The following ADAMTS6 variants were observed in gnomAD, a reference collection of about 807,000 sequenced individuals.
ADAMTS6 encodes A disintegrin and metalloproteinase with thrombospondin motifs 6.
In ADAMTS6, 23 loss-of-function variants were observed where a neutral mutation model predicts 144.3. That is an observed-to-expected ratio of 0.16 (90% CI 0.11 to 0.23). The LOEUF (loss-of-function observed/expected upper bound fraction) is 0.23, where lower values mean the gene tolerates loss of function less well. Among genes scored for constraint, ADAMTS6 ranks in the 10% least tolerant of loss-of-function variants. The pLI is 1.00. For synonymous variants in ADAMTS6, 444 were observed against 457.5 expected, an observed-to-expected ratio of 0.97 and a Z score of 0.38; for missense variants, 999 against 1,379.6, an observed-to-expected ratio of 0.72 and a Z score of 4.37.
At chr5:65,443,241 C>G (rs1758003824) in intron 7 of ADAMTS6, among the ~76,000 whole-genome samples, 1 of 152,160 alleles carries the variant, frequency 6.6e-6, no homozygotes, top group African/African-American at 2.4e-5. Flanking sequence ...CAGTTTTACA[C>G]TGTTGGTGGG....
intron 9 of ADAMTS6, among the ~76,000 whole-genome samples, chr5:65,316,502 T>C (rs1745013249): frequency 6.6e-6 from 1 of 152,174 alleles, no homozygotes; most frequent in South Asian, 2.1e-4. Flanking sequence ...AATTACATTG[T>C]ATATATAAGT....
intron 7 of ADAMTS6, among the ~76,000 whole-genome samples, chr5:65,399,120 G>T (rs941886948): frequency 6.6e-6 from 1 of 152,082 alleles, no homozygotes; most frequent in South Asian, 2.1e-4. Flanking sequence ...AGCTGGGCGC[G>T]GTGGTGGGCG....
chr5:65,246,872 A>G (rs1233106316), intron 14 of ADAMTS6, among the ~76,000 whole-genome samples: 1 of 152,204 alleles, frequency 6.6e-6, no homozygotes, highest in Non-Finnish European at 1.5e-5. Context: ...TTGGAATTAT[A>G]TATGCTGGTT....
intron 7 of ADAMTS6, among the ~76,000 whole-genome samples, chr5:65,342,330 G>A (rs1254892877): frequency 1.3e-5 from 2 of 152,090 alleles, no homozygotes; most frequent in Admixed American, 6.6e-5. Context: ...CTCACATGGT[G>A]GCAGACAAGA....
At chr5:65,303,460 T>A (rs1043774052) in intron 9 of ADAMTS6, among the ~76,000 whole-genome samples, 1 of 152,082 alleles carries the variant, frequency 6.6e-6, no homozygotes, top group Non-Finnish European at 1.5e-5. Flanking sequence ...TATTTATTTA[T>A]CAAAATTTGT....
intron 21 of ADAMTS6, among the ~76,000 whole-genome samples, chr5:65,189,666 G>A (rs1754891529): frequency 6.6e-6 from 1 of 152,176 alleles, no homozygotes; most frequent in Non-Finnish European, 1.5e-5. Context: ...TTTGCTGAAT[G>A]TCTACTACGT....
chr5:65,300,695 G>A (rs988340117), intron 9 of ADAMTS6, among the ~76,000 whole-genome samples: 1 of 151,618 alleles, frequency 6.6e-6, no homozygotes, highest in Non-Finnish European at 1.5e-5. Flanking sequence ...GCAGTGGCGC[G>A]AACTCGGCTC....
intron 18 of ADAMTS6, 136 bp from the exon 19 acceptor site, chr5:65,215,623 T>G: frequency 1.4e-6 from 1 of 696,714 alleles, no homozygotes; most frequent in Non-Finnish European, 2.2e-6. Flanking sequence ...TATTCTTAAG[T>G]ACAAATTAAA....
At chr5:65,442,164 CAA>C (rs1757915490) in intron 7 of ADAMTS6, among the ~76,000 whole-genome samples, 1 of 147,472 alleles carries the variant, frequency 6.8e-6, no homozygotes, top group Non-Finnish European at 1.5e-5. Flanking sequence ...TAGAAAAAGA[CAA>C]AAGACAAGAA....
intron 7 of ADAMTS6, among the ~76,000 whole-genome samples, chr5:65,432,178 AT>A (rs1405233420): frequency 6.6e-6 from 1 of 152,066 alleles, no homozygotes; most frequent in African/African-American, 2.4e-5. Flanking sequence ...AAGATAGCTG[AT>A]TTAGTAGATA....
intron 2 of ADAMTS6, among the ~76,000 whole-genome samples, chr5:65,472,505 T>G (rs1350190343): frequency 1.3e-5 from 2 of 152,130 alleles, no homozygotes; most frequent in African/African-American, 2.4e-5. Flanking sequence ...TAGTAATATC[T>G]CAATAAAGCT....
rs772265131 is a variant in ADAMTS6 at position 65,224,959 on chromosome 5, A to G, written c.2156T>C (p.Ile719Thr). 3.1e-6 allele frequency: 5 copies of G among 1,614,050 alleles called. No individual in the cohort carries two copies. Among genetic ancestry groups the G allele is most frequent in the South Asian group, 1.1e-5 (1 of 91,062 alleles). The change falls in exon 17 of 25, where the codon ATT becomes ACT. Residue 719 changes from isoleucine (I) to threonine (T), a missense_variant. By Grantham distance (89) the Ile-to-Thr change is moderately conservative (BLOSUM62 -1). Coordinates refer to ENST00000381055, the MANE Select transcript of ADAMTS6 (RefSeq NM_197941.4). ...CGGDGSTCDA[I>T]EGFFNDSLPR... ...CAGTGAATCATTGAAGAACCCTTCA[A>G]TGGCATCACATGTGCTTCCGTCCCC...
At chr5:65,398,164 T>C (rs1246154043) in intron 7 of ADAMTS6, among the ~76,000 whole-genome samples, 1 of 152,246 alleles carries the variant, frequency 6.6e-6, no homozygotes, top group Middle Eastern at 3.4e-3. Flanking sequence ...TGTTGTTGAG[T>C]TCAACTATGT....
intron 24 of ADAMTS6, among the ~76,000 whole-genome samples, chr5:65,164,338 C>T (rs1202959842): frequency 2.6e-5 from 4 of 152,278 alleles, no homozygotes; most frequent in East Asian, 3.9e-4. Context: ...TAAAAAACGG[C>T]GCACCAGGAG....
intron 7 of ADAMTS6, among the ~76,000 whole-genome samples, chr5:65,375,825 G>C (rs1370700199): frequency 6.6e-6 from 1 of 152,018 alleles, no homozygotes; most frequent in Admixed American, 6.6e-5. Flanking sequence ...TGTTTATTAC[G>C]GCATTATTCA....
Position 65,394,504 on chromosome 5 carries a change from G to A in ADAMTS6, c.1073+56971C>T, listed in dbSNP as rs765683716. On this transcript the variant is annotated intron_variant, in intron 7 of 24. Coordinates refer to ENST00000381055, the MANE Select transcript of ADAMTS6 (RefSeq NM_197941.4). ...ACCAAGTTTTGGGGCAACTTATCAC[G>A]AAGCAATAAAAAGCTGGACATGTCA... Among the ~76,000 whole-genome samples, 76 of 152,264 alleles carry A rather than the reference G, an allele frequency of 5.0e-4. 1 individual carries two copies. The highest frequency in any genetic ancestry group is 3.4e-3 in the Middle Eastern group (1 of 294).
intron 7 of ADAMTS6, among the ~76,000 whole-genome samples, chr5:65,389,826 T>C (rs961563137): frequency 2.6e-5 from 4 of 152,210 alleles, no homozygotes; most frequent in Admixed American, 2.0e-4. Context: ...GGCTTAAAGA[T>C]AGGCCAATTT....
At chr5:65,310,941 C>T (rs571498089) in intron 9 of ADAMTS6, among the ~76,000 whole-genome samples, 10 of 151,590 alleles carry the variant, frequency 6.6e-5, no homozygotes, top group Middle Eastern at 3.2e-3. Context: ...TGAATGCAAG[C>T]GGGTTAGAGG....
intron 3 of ADAMTS6, among the ~76,000 whole-genome samples, chr5:65,466,933 T>G (rs896284662): frequency 2.0e-5 from 3 of 151,224 alleles, no homozygotes; most frequent in African/African-American, 7.3e-5. Flanking sequence ...TCCCAGCTAC[T>G]CGGGAGGCTG....
Sources: allele counts gnomAD v4.1 joint callset (sites outside exome capture counted in the v4.1 genomes callset), GRCh38; gene constraint gnomAD v4.1.1; transcripts MANE v1.5; gene names NCBI Gene and HGNC (gene_info 2026-07-23, HGNC 2026-07-21).